Variants in VPS13B observed in about 807,000 individuals in gnomAD.
VPS13B encodes the protein intermembrane lipid transfer protein VPS13B.
VPS13B carries 285 observed loss-of-function variants against 426.4 expected under a neutral mutation model. That is an observed-to-expected ratio of 0.67 (90% confidence interval 0.61 to 0.74). The LOEUF (loss-of-function observed/expected upper bound fraction) is 0.74. Ranked by LOEUF, VPS13B falls within the 30% of genes least tolerant of loss-of-function variation. The probability of loss-of-function intolerance (pLI) is 0.00; values close to 1 mark genes in which losing one functional copy is unlikely to be tolerated. For missense variants in VPS13B, 4,537 were observed against 4,782.6 expected, an observed-to-expected ratio of 0.95 and a Z score of 1.51; for synonymous variants, 1,676 against 1,676.4, an observed-to-expected ratio of 1.00 and a Z score of 0.01.
chr8:99,481,653 C>T lies in VPS13B; in HGVS notation c.3721C>T (p.Gln1241Ter). ...DIMNKVWNKI[Q>*]KRGNLNLSPT... is the part of the protein sequence containing the mutation. ...CATGAATAAGGTCTGGAACAAGATT[C>T]AGAAGAGAGGCAATCTCAACCTATC... Residue 1241 changes from glutamine to a stop codon, truncating the protein, a stop_gained, in exon 25 of 62, where the codon CAG (glutamine) becomes TAG (stop). Coordinates refer to ENST00000357162, the MANE Select transcript of VPS13B (RefSeq NM_152564.5). LOFTEE classifies it high-confidence loss of function. The T allele has an allele frequency of 6.2e-7, 1 of 1,613,924 alleles. No homozygotes were observed. Among genetic ancestry groups the T allele is most frequent in the Non-Finnish European group, 8.5e-7 (1 of 1,179,888 alleles).
intron 15 of VPS13B, among the ~76,000 whole-genome samples, chr8:99,167,465 A>G (rs1229183174): frequency 6.6e-6 from 1 of 152,000 alleles, no homozygotes; most frequent in East Asian, 1.9e-4. Context: ...CAGTAACAAA[A>G]ATTATTTATT....
intron 23 of VPS13B, among the ~76,000 whole-genome samples, chr8:99,464,446 C>A (rs1819000952): frequency 6.6e-6 from 1 of 152,054 alleles, no homozygotes; most frequent in Non-Finnish European, 1.5e-5. Flanking sequence ...TTGATTCCTA[C>A]CCAAAAAGAT....
At chr8:99,568,175 GTAAGTCAGAGAGAGTTTGAATTTTA>G (rs1563800846) in intron 31 of VPS13B, among the ~76,000 whole-genome samples, 1 of 152,024 alleles carries the variant, frequency 6.6e-6, no homozygotes, top group Non-Finnish European at 1.5e-5. Flanking sequence ...GAACGGTTTT[GTAAGTCAGAGAGAGTTTGAATTTTA>G]TTTTAATTGC....
chr8:99,561,292 T>C (rs1475768177), intron 31 of VPS13B, among the ~76,000 whole-genome samples: 1 of 152,206 alleles, frequency 6.6e-6, no homozygotes, highest in African/African-American at 2.4e-5. Context: ...AGATTTTATA[T>C]AAATAGAATC....
At chr8:99,643,231 A>G (rs1298785330) in intron 34 of VPS13B, among the ~76,000 whole-genome samples, 2 of 152,140 alleles carry the variant, frequency 1.3e-5, no homozygotes, top group Non-Finnish European at 2.9e-5. Context: ...ATTTGGCCAA[A>G]AAAAACTGGA....
intron 19 of VPS13B, among the ~76,000 whole-genome samples, chr8:99,291,495 A>G (rs894894762): frequency 2.0e-5 from 3 of 152,116 alleles, no homozygotes; most frequent in Admixed American, 2.0e-4. Flanking sequence ...ATTGAATTCT[A>G]TTTACTTTAA....
intron 3 of VPS13B, among the ~76,000 whole-genome samples, chr8:99,068,730 A>G (rs906377563): frequency 1.3e-5 from 2 of 152,170 alleles, no homozygotes; most frequent in Non-Finnish European, 2.9e-5. Context: ...GGAATGCCAC[A>G]CTTTAAAGGC....
intron 33 of VPS13B, among the ~76,000 whole-genome samples, chr8:99,623,683 T>A (rs1828465890): frequency 6.6e-6 from 1 of 152,160 alleles, no homozygotes. Context: ...AAACTACAGA[T>A]AGAAGTGGTA....
chr8:99,579,792 G>A (rs1299077708), intron 33 of VPS13B, among the ~76,000 whole-genome samples: 2 of 151,170 alleles, frequency 1.3e-5, no homozygotes, highest in Non-Finnish European at 2.9e-5. Flanking sequence ...CCACCTCCTG[G>A]GTTCAAGCAA....
chr8:99,227,480 A>G (rs1816076671), intron 17 of VPS13B, among the ~76,000 whole-genome samples: 1 of 152,136 alleles, frequency 6.6e-6, no homozygotes, highest in African/African-American at 2.4e-5. Flanking sequence ...TTACTTGAAA[A>G]ACTGCCTTTT....
intron 42 of VPS13B, among the ~76,000 whole-genome samples, chr8:99,783,222 G>A (rs892099437): frequency 6.6e-6 from 1 of 152,134 alleles, no homozygotes; most frequent in Non-Finnish European, 1.5e-5. Flanking sequence ...ATGCTTCTGA[G>A]TTGTATCTCT....
chr8:99,234,831 G>T (rs1816553094), intron 17 of VPS13B, among the ~76,000 whole-genome samples: 1 of 152,016 alleles, frequency 6.6e-6, no homozygotes, highest in Non-Finnish European at 1.5e-5. Context: ...TGCCCTATTT[G>T]GGATTTATTC....
intron 39 of VPS13B, among the ~76,000 whole-genome samples, chr8:99,726,430 G>A (rs1309210772): frequency 6.6e-6 from 1 of 152,114 alleles, no homozygotes; most frequent in Non-Finnish European, 1.5e-5. Context: ...ATCCTCCTGT[G>A]TGCACTGCCT....
chr8:99,515,691 A>T (rs1408269807), intron 29 of VPS13B, among the ~76,000 whole-genome samples: 1 of 151,736 alleles, frequency 6.6e-6, no homozygotes, highest in Non-Finnish European at 1.5e-5. Context: ...TGTGGCTTGG[A>T]TGTATGTATC....
At chr8:99,589,789 T>G (rs1563812465) in intron 33 of VPS13B, among the ~76,000 whole-genome samples, 2 of 152,202 alleles carry the variant, frequency 1.3e-5, no homozygotes, top group Non-Finnish European at 1.5e-5. Flanking sequence ...GATATTGGTC[T>G]AATATTCTCT....
At chr8:99,840,261 A>G (rs1415619778) in intron 54 of VPS13B, among the ~76,000 whole-genome samples, 1 of 152,252 alleles carries the variant, frequency 6.6e-6, no homozygotes, top group Non-Finnish European at 1.5e-5. Context: ...CTTGTGGTCA[A>G]CCACATCCCC....
chr8:99,149,492 A>G (rs2132602966), intron 14 of VPS13B, among the ~76,000 whole-genome samples: 1 of 152,048 alleles, frequency 6.6e-6, no homozygotes. Flanking sequence ...TAATTTTTGT[A>G]TTTTTAGTAG....
intron 8 of VPS13B, 146 bp from the exon 9 acceptor site, chr8:99,134,486 G>A (rs1809966667): frequency 1.6e-6 from 1 of 631,230 alleles, no homozygotes; most frequent in South Asian, 2.2e-5. Flanking sequence ...TGTTACAGCT[G>A]TTTTTGTTGC....
At chr8:99,682,841 G>A (rs914764490) in intron 35 of VPS13B, among the ~76,000 whole-genome samples, 28 of 152,096 alleles carry the variant, frequency 1.8e-4, no homozygotes, top group Non-Finnish European at 3.7e-4. Context: ...TCCAGTCCCA[G>A]GTACGTCCAG....
Sources: gnomAD v4.1 joint callset for allele counts (sites outside exome capture counted in the v4.1 genomes callset) on GRCh38, gnomAD v4.1.1 for gene constraint, MANE v1.5 for transcripts, NCBI Gene and HGNC (gene_info 2026-07-23, HGNC 2026-07-21) for gene names.